SSH2: variants seen among roughly 807,000 people sequenced by gnomAD.
SSH2 encodes the protein slingshot protein phosphatase 2.
In SSH2, 37 loss-of-function variants were observed where a neutral mutation model predicts 135.2. The observed-to-expected ratio is 0.27, with a 90% confidence interval of 0.21 to 0.36. The LOEUF (loss-of-function observed/expected upper bound fraction) is 0.36. Among genes scored for constraint, SSH2 ranks in the 10% least tolerant of loss-of-function variants. The pLI, the probability that SSH2 is intolerant of heterozygous loss-of-function variation, is 1.00. For synonymous variants in SSH2, 628 were observed against 646.2 expected (o/e 0.97, Z 0.43); for missense variants, 1,408 against 1,765.3 (o/e 0.80, Z 3.63).
intron 2 of SSH2, among the ~76,000 whole-genome samples, chr17:29,845,139 T>C (rs542921277): frequency 1.3e-5 from 2 of 152,372 alleles, no homozygotes; most frequent in South Asian, 4.1e-4. Context: ...ACTTCTGTTA[T>C]CCCAAAATTG....
chr17:29,740,445 CCT>C (rs1320769561), intron 3 of SSH2, among the ~76,000 whole-genome samples: 1 of 99,524 alleles, frequency 1.0e-5, no homozygotes, highest in East Asian at 2.1e-4. Flanking sequence ...ATTTTATTAC[CCT>C]CTTTTTTTTT....
At chr17:29,772,368 C>G (rs1276936058) in intron 3 of SSH2, among the ~76,000 whole-genome samples, 1 of 151,640 alleles carries the variant, frequency 6.6e-6, no homozygotes, top group South Asian at 2.1e-4. Flanking sequence ...GCCTCAGCTT[C>G]CCAAGTAGCT....
At chr17:29,690,953 G>GAC (rs1355340074) in intron 5 of SSH2, among the ~76,000 whole-genome samples, 1 of 150,698 alleles carries the variant, frequency 6.6e-6, no homozygotes, top group Non-Finnish European at 1.5e-5. Flanking sequence ...CACACACATA[G>GAC]ACACACACAC....
intron 11 of SSH2, among the ~76,000 whole-genome samples, chr17:29,665,290 T>C (rs1434012385): frequency 6.6e-6 from 1 of 152,192 alleles, no homozygotes; most frequent in Non-Finnish European, 1.5e-5. Context: ...TGCCAACACA[T>C]ACTGGTCAGT....
chr17:29,698,367 A>G (rs181117979), intron 4 of SSH2, among the ~76,000 whole-genome samples: 199 of 152,344 alleles, frequency 1.3e-3, no homozygotes, highest in Non-Finnish European at 2.6e-3. Context: ...TTATATCTCA[A>G]TAAAGCTGTT....
At chr17:29,800,902 G>A (rs980752559) in intron 2 of SSH2, among the ~76,000 whole-genome samples, 2 of 145,218 alleles carry the variant, frequency 1.4e-5, no homozygotes, top group African/African-American at 5.2e-5. Context: ...GTCTCACTCT[G>A]TTACCCAGGC....
At chr17:29,830,043 G>A (rs1321091464) in intron 2 of SSH2, among the ~76,000 whole-genome samples, 1 of 152,006 alleles carries the variant, frequency 6.6e-6, no homozygotes, top group Non-Finnish European at 1.5e-5. Flanking sequence ...GTTTCACTGT[G>A]TTAGCCAGGA....
chr17:29,687,488 T>G (rs956728087), intron 5 of SSH2, among the ~76,000 whole-genome samples: 1 of 152,182 alleles, frequency 6.6e-6, no homozygotes, highest in African/African-American at 2.4e-5. Flanking sequence ...GGAACTAACA[T>G]TTAAATGGAC....
chr17:29,703,102 A>G, intron 3 of SSH2, 40 bp from the exon 4 acceptor site: 5 of 1,413,004 alleles, frequency 3.5e-6, no homozygotes, highest in Non-Finnish European at 5.0e-6. Flanking sequence ...TTACTTAGGA[A>G]AGGAAATCAA....
At chr17:29,913,347 A>AAAAAATAAAAAAAATTATATATAT in intron 1 of SSH2, among the ~76,000 whole-genome samples, 1 of 28,778 alleles carries the variant, frequency 3.5e-5, no homozygotes, top group Non-Finnish European at 5.9e-5. Context: ...AAAAAAAAAA[A>AAAAAATAAAAAAAATTATATATAT]ATATATATAT....
chr17:29,667,119 A>C lies in SSH2; in HGVS notation c.903+11T>G. The stretch of plus-strand genomic sequence containing the variant: ...TAGCCTTGGAACAAACAAGGACTCA[A>C]GGTCTCTTACCTCTTTGGATGTAAT... On this transcript the variant is annotated intron_variant, in intron 10 of 15. Coordinates refer to ENST00000540801, the MANE Select transcript of SSH2 (RefSeq NM_001282129.2). 6.2e-7 allele frequency: 1 copy of C among 1,609,314 alleles called. No homozygotes were observed. Among genetic ancestry groups the C allele is most frequent in the South Asian group, 1.1e-5 (1 of 90,808 alleles).
chr17:29,914,453 T>TGCCAA (rs1244592975), intron 1 of SSH2, among the ~76,000 whole-genome samples: 1 of 151,030 alleles, frequency 6.6e-6, no homozygotes, highest in Admixed American at 6.6e-5. Flanking sequence ...TAGTCCCAGC[T>TGCCAA]ATTTGGCAGG....
intron 3 of SSH2, among the ~76,000 whole-genome samples, chr17:29,779,043 G>A (rs1308333486): frequency 6.6e-6 from 1 of 151,814 alleles, no homozygotes; most frequent in Non-Finnish European, 1.5e-5. Context: ...TAACATCTAG[G>A]GGGGAAAAGT....
intron 3 of SSH2, among the ~76,000 whole-genome samples, chr17:29,783,805 G>A (rs1352501414): frequency 6.6e-6 from 1 of 151,974 alleles, no homozygotes; most frequent in East Asian, 1.9e-4. Flanking sequence ...GGTGGCTCAC[G>A]CCTGTAATCC....
chr17:29,762,461 G>A (rs1157345623), intron 3 of SSH2, among the ~76,000 whole-genome samples: 1 of 152,134 alleles, frequency 6.6e-6, no homozygotes, highest in African/African-American at 2.4e-5. Context: ...GTGCAGCCAT[G>A]GTTGAGACGG....
intron 3 of SSH2, among the ~76,000 whole-genome samples, chr17:29,726,026 C>T (rs1167143051): frequency 6.6e-6 from 1 of 152,078 alleles, no homozygotes; most frequent in Non-Finnish European, 1.5e-5. Flanking sequence ...GGGTAAGAGG[C>T]TAAAAAATGA....
intron 2 of SSH2, among the ~76,000 whole-genome samples, chr17:29,813,592 A>C (rs12451175): frequency 0.57 from 84,299 of 148,762 alleles, 23,793 homozygotes; most frequent in East Asian, 0.7. Context: ...CCGAGGCGGG[A>C]GGATCTCTTG....
intron 2 of SSH2, among the ~76,000 whole-genome samples, chr17:29,806,927 C>T (rs1288917806): frequency 2.0e-5 from 3 of 152,162 alleles, no homozygotes; most frequent in Non-Finnish European, 4.4e-5. Context: ...GGGTTTAGCA[C>T]CAGGCCTCTG....
At chr17:29,859,567 G>A (rs2065724496) in intron 1 of SSH2, among the ~76,000 whole-genome samples, 2 of 152,120 alleles carry the variant, frequency 1.3e-5, no homozygotes, top group African/African-American at 2.4e-5. Context: ...TCCCATGTTA[G>A]TTTGCTAAGG....
Sources: allele counts gnomAD v4.1 joint callset (sites outside exome capture counted in the v4.1 genomes callset), GRCh38; gene constraint gnomAD v4.1.1; transcripts MANE v1.5; gene names NCBI Gene and HGNC (gene_info 2026-07-23, HGNC 2026-07-21).